Variants in CSMD1 observed in about 807,000 individuals in gnomAD.
The protein encoded by CSMD1 is CUB and sushi domain-containing protein 1.
Under a neutral mutation model 417.5 loss-of-function variants are expected in CSMD1, and 213 were observed. That is an observed-to-expected ratio of 0.51 (90% CI 0.46 to 0.57). CSMD1 has a LOEUF of 0.57. Ranked by LOEUF, CSMD1 falls within the 20% of genes least tolerant of loss-of-function variation. The pLI is 0.00. For missense variants in CSMD1, 6,923 were observed against 4,529.7 expected, an observed-to-expected ratio of 1.53 and a Z score of -15.17; for synonymous variants, 2,862 against 1,736.8, an observed-to-expected ratio of 1.65 and a Z score of -16.11.
intron 5 of CSMD1, among the ~76,000 whole-genome samples, chr8:3,991,139 C>T (rs1033967405): frequency 6.6e-6 from 1 of 152,202 alleles, no homozygotes; most frequent in African/African-American, 2.4e-5. Context: ...TGGAAATTGG[C>T]CCCACAGTAG....
intron 2 of CSMD1, among the ~76,000 whole-genome samples, chr8:4,462,888 T>C (rs1334824407): frequency 7.9e-5 from 12 of 152,068 alleles, no homozygotes; most frequent in Non-Finnish European, 1.6e-4. Context: ...GAGTAAATCT[T>C]TGTAACCTGA....
rs79381587 is a variant in CSMD1 at position 3,597,841 on chromosome 8, T to A, written c.1098-11581A>T. On this transcript the variant is annotated intron_variant, in intron 8 of 69. Transcript: ENST00000635120. ...TCACACACCGGGGCCTGTCGGGGGGTTGGGGACTAGGGGAGGGATAGCATT... is the reference window on the plus strand; with the variant it reads ...TCACACACCGGGGCCTGTCGGGGGGATGGGGACTAGGGGAGGGATAGCATT... 3.9e-3 allele frequency among the ~76,000 whole-genome samples: 588 copies of A among 151,406 alleles called. 1 individual carries two copies. The highest frequency in any genetic ancestry group is 0.013 in the African/African-American group (556 of 41,224).
At chr8:4,463,740 G>A (rs1341662945) in intron 2 of CSMD1, among the ~76,000 whole-genome samples, 5 of 152,304 alleles carry the variant, frequency 3.3e-5, no homozygotes, top group Admixed American at 6.5e-5. Context: ...CCTTTGGGCC[G>A]TGGGGCTGAG....
chr8:3,188,579 C>G (rs550123982), intron 35 of CSMD1, among the ~76,000 whole-genome samples: 141 of 151,982 alleles, frequency 9.3e-4, no homozygotes, highest in African/African-American at 3.3e-3. Context: ...AGTGCTGGGA[C>G]TACATGCATG....
chr8:3,742,184 A>C (rs1796840448), intron 6 of CSMD1, among the ~76,000 whole-genome samples: 2 of 152,254 alleles, frequency 1.3e-5, no homozygotes, highest in Admixed American at 6.5e-5. Flanking sequence ...TCTATAGCCC[A>C]CCATTAAGGA....
At chr8:4,517,004 A>G (rs1302699080) in intron 2 of CSMD1, among the ~76,000 whole-genome samples, 1 of 152,094 alleles carries the variant, frequency 6.6e-6, no homozygotes, top group Non-Finnish European at 1.5e-5. Flanking sequence ...AACGGACTAT[A>G]TCAGATATAG....
chr8:4,947,453 G>A (rs924133248), intron 1 of CSMD1, among the ~76,000 whole-genome samples: 2 of 151,972 alleles, frequency 1.3e-5, no homozygotes, highest in African/African-American at 4.8e-5. Context: ...GTCAATATTT[G>A]ACTTGTCATC....
At chr8:4,497,542 C>T (rs923202997) in intron 2 of CSMD1, among the ~76,000 whole-genome samples, 8 of 152,176 alleles carry the variant, frequency 5.3e-5, no homozygotes, top group African/African-American at 1.9e-4. Flanking sequence ...AGTAGCTCCA[C>T]TGAGGAGCAG....
rs917002715 is a variant in CSMD1 at position 3,925,600 on chromosome 8, A to C, written c.818+72303T>G. On this transcript the variant is annotated intron_variant, in intron 5 of 69. Coordinates refer to ENST00000635120, the MANE Select transcript of CSMD1 (RefSeq NM_033225.6). ...AATCGTGGAGACCAGTCTTTCCCCTACTATTCTCGCAACAGTGAATAAGTC... is the reference window on the plus strand; with the variant it reads ...AATCGTGGAGACCAGTCTTTCCCCTCCTATTCTCGCAACAGTGAATAAGTC... Among the ~76,000 whole-genome samples the C allele has an allele frequency of 2.0e-5, 3 of 152,160 alleles. No individual in the cohort carries two copies. The East Asian group carries it at 5.8e-4, about 30-fold the overall frequency.
chr8:4,566,274 G>T (rs1449839814), intron 2 of CSMD1, among the ~76,000 whole-genome samples: 1 of 152,082 alleles, frequency 6.6e-6, no homozygotes, highest in Non-Finnish European at 1.5e-5. Context: ...GCACCATCTA[G>T]TAAGTTATTG....
At chr8:4,567,498 C>T (rs1798668503) in intron 2 of CSMD1, among the ~76,000 whole-genome samples, 1 of 152,056 alleles carries the variant, frequency 6.6e-6, no homozygotes, top group Non-Finnish European at 1.5e-5. Flanking sequence ...CTACTTCTTC[C>T]CACTCCAACT....
chr8:4,559,236 T>C (rs1157166001), intron 2 of CSMD1, among the ~76,000 whole-genome samples: 2 of 148,532 alleles, frequency 1.3e-5, no homozygotes, highest in Non-Finnish European at 2.9e-5. Flanking sequence ...CTTAAAATGT[T>C]GGATAAACTT....
chr8:3,747,335 A>G (rs1206069238), intron 6 of CSMD1, among the ~76,000 whole-genome samples: 3 of 152,186 alleles, frequency 2.0e-5, no homozygotes, highest in Non-Finnish European at 2.9e-5. Context: ...AATTCTAAAC[A>G]ATCCATCATT....
chr8:4,918,201 G>A (rs533024169), intron 1 of CSMD1, among the ~76,000 whole-genome samples: 1 of 152,304 alleles, frequency 6.6e-6, no homozygotes, highest in East Asian at 1.9e-4. Context: ...CATTACGAAG[G>A]GGATGATGCT....
At chr8:4,360,044 T>C (rs912719408) in intron 3 of CSMD1, among the ~76,000 whole-genome samples, 1 of 152,168 alleles carries the variant, frequency 6.6e-6, no homozygotes, top group Non-Finnish European at 1.5e-5. Context: ...CATCTGAGCA[T>C]ACAGTTCCTC....
At chr8:4,588,960 G>C (rs1323373972) in intron 2 of CSMD1, among the ~76,000 whole-genome samples, 1 of 151,958 alleles carries the variant, frequency 6.6e-6, no homozygotes, top group Non-Finnish European at 1.5e-5. Flanking sequence ...GTATAGTAGA[G>C]CCAAGTACAA....
At chr8:4,311,052 G>C (rs1251158941) in intron 3 of CSMD1, among the ~76,000 whole-genome samples, 1 of 152,184 alleles carries the variant, frequency 6.6e-6, no homozygotes, top group Non-Finnish European at 1.5e-5. Flanking sequence ...CCACTGGTGG[G>C]AGTGTAAATT....
At chr8:3,698,345 A>G (rs970954310) in intron 7 of CSMD1, among the ~76,000 whole-genome samples, 1 of 152,224 alleles carries the variant, frequency 6.6e-6, no homozygotes, top group African/African-American at 2.4e-5. Flanking sequence ...GTCTTTAACA[A>G]TTGCAAAACT....
chr8:4,381,924 A>T (rs1288991820), intron 3 of CSMD1, among the ~76,000 whole-genome samples: 1 of 152,068 alleles, frequency 6.6e-6, no homozygotes, highest in East Asian at 1.9e-4. Context: ...CACTGCAGGG[A>T]AAACAAATTT....
Sources: allele counts gnomAD v4.1 joint callset (sites outside exome capture counted in the v4.1 genomes callset), GRCh38; gene constraint gnomAD v4.1.1; transcripts MANE v1.5; gene names NCBI Gene and HGNC (gene_info 2026-07-23, HGNC 2026-07-21).